The following NODAL variants were observed in gnomAD, a reference collection of about 807,000 sequenced individuals.
NODAL encodes nodal homolog.
NODAL carries 12 observed loss-of-function variants against 34.0 expected under a neutral mutation model. The observed-to-expected ratio is 0.35, with a 90% confidence interval of 0.23 to 0.57. NODAL has a LOEUF of 0.57. Ranked by LOEUF, NODAL falls within the 20% of genes least tolerant of loss-of-function variation. The pLI, the probability that NODAL is intolerant of heterozygous loss-of-function variation, is 0.83. For synonymous variants in NODAL, 162 were observed against 186.4 expected (o/e 0.87, Z 1.07); for missense variants, 390 against 444.2 (o/e 0.88, Z 1.10).
At chr10:70,439,053 C>T (rs1017029746) in intron 1 of NODAL, among the ~76,000 whole-genome samples, 2 of 152,036 alleles carry the variant, frequency 1.3e-5, no homozygotes, top group Non-Finnish European at 2.9e-5. Context: ...TGGCCAGGCT[C>T]GAGTGCAGTG....
At chr10:70,437,767 G>A (rs1845375139) in intron 1 of NODAL, among the ~76,000 whole-genome samples, 1 of 152,186 alleles carries the variant, frequency 6.6e-6, no homozygotes, top group Admixed American at 6.5e-5. Flanking sequence ...AATCCAGCTT[G>A]TATTGTAAAG....
rs1845267918 is a variant in NODAL, at chr10:70,432,006, T to A, written c.*930A>T. Among the ~76,000 whole-genome samples the A allele has an allele frequency of 6.6e-6, 1 of 152,228 alleles. No individual in the cohort carries two copies. Among genetic ancestry groups the A allele is most frequent in the Non-Finnish European group, 1.5e-5 (1 of 68,036 alleles). Reference sequence around the variant, plus strand: ...ATGCATTAGGATTCACCAGCGTTCCTTTTACAAGTGGAGACTGGACAGTGA... The same window carrying A: ...ATGCATTAGGATTCACCAGCGTTCCATTTACAAGTGGAGACTGGACAGTGA... On this transcript the variant is annotated 3_prime_UTR_variant, in exon 3 of 3. Transcript: ENST00000287139.
chr10:70,447,827 C>T (rs569213779), intron 1 of NODAL: 7 of 468,076 alleles, frequency 1.5e-5, no homozygotes, highest in African/African-American at 1.0e-4. Flanking sequence ...GCCCCAGCCC[C>T]TGGTTTATAA....
chr10:70,439,378 C>G (rs1274222009), intron 1 of NODAL, among the ~76,000 whole-genome samples: 2 of 152,196 alleles, frequency 1.3e-5, no homozygotes, highest in Admixed American at 1.3e-4. Context: ...CGTCCCCAGA[C>G]AGGGCTGTGA....
Position 70,435,812 on chromosome 10 carries a change from T to G in NODAL, c.365A>C (p.Glu122Ala). Residue 122 changes from glutamate (E) to alanine (A), a missense_variant, in exon 2 of 3, where the codon GAG (glutamate) becomes GCG (alanine). Transcript: ENST00000287139. ...CTCTAAGCAGCTGTCTGAAGCCTGC[T>G]CTGTGTCGGGCTTTGGCTGGTGGAA... ...EIFHQPKPDT[E>A]QASDSCLERF... 1 of 1,614,146 alleles carries G rather than the reference T, an allele frequency of 6.2e-7. No individual in the cohort carries two copies. Among genetic ancestry groups the G allele is most frequent in the Non-Finnish European group, 8.5e-7 (1 of 1,180,054 alleles).
intron 1 of NODAL, among the ~76,000 whole-genome samples, chr10:70,447,081 T>C (rs1232738768): frequency 2.0e-5 from 3 of 150,562 alleles, no homozygotes; most frequent in African/African-American, 7.3e-5. Flanking sequence ...TCTTCTTTTT[T>C]TTTTTTTTTT....
chr10:70,447,153 A>C (rs1251499744), intron 1 of NODAL, among the ~76,000 whole-genome samples: 2 of 148,728 alleles, frequency 1.3e-5, no homozygotes, highest in African/African-American at 2.5e-5. Context: ...GGCTCACTGC[A>C]ACCTCTGCCT....
rs949415691 is a variant in NODAL at position 70,433,061 on chromosome 10, G to T, written c.919C>A (p.Arg307=). Residue 307 remains arginine, a synonymous_variant, in exon 3 of 3, where the codon CGA becomes AGA. Coordinates refer to ENST00000287139, the MANE Select transcript of NODAL (RefSeq NM_018055.5). ...QSLLKRYQPH[R]VPSTCCAPVK... Reference sequence around the variant, plus strand: ...GGGGCACAACAAGTGGAAGGGACTCGGTGGGGCTGGTAACGTTTCAGCAGA... The same window carrying T: ...GGGGCACAACAAGTGGAAGGGACTCTGTGGGGCTGGTAACGTTTCAGCAGA... 6.2e-7 allele frequency: 1 copy of T among 1,613,972 alleles called. No homozygotes were observed.
At chr10:70,438,276 G>A (rs10823540) in intron 1 of NODAL, among the ~76,000 whole-genome samples, 71,211 of 151,906 alleles carry the variant, frequency 0.47, 17,162 homozygotes, top group East Asian at 0.66. Flanking sequence ...CCTGGGTGAC[G>A]AAAAGCAAAA....
chr10:70,441,568 GC>G lies in NODAL; in HGVS notation c.99del (p.Gln34SerfsTer12). ...GCCAGAGGGGATGGCGACGAGGGCT[GC>G]CCCCGCGTACGCAGGAGCGCAGTGG... ...TVATALLRTR[G>X]QPSSPSPLAY... On this transcript the variant is annotated frameshift_variant, in exon 1 of 3. Coordinates refer to ENST00000287139, the MANE Select transcript of NODAL (RefSeq NM_018055.5). LOFTEE classifies it high-confidence loss of function. 3 of 1,576,002 alleles carry G rather than the reference GC, an allele frequency of 1.9e-6. No individual in the cohort carries two copies. Among genetic ancestry groups the G allele is most frequent in the East Asian group, 2.4e-5 (1 of 42,500 alleles).
chr10:70,441,366 G>T, intron 1 of NODAL, 109 bp downstream of exon 1: 2 of 1,292,386 alleles, frequency 1.5e-6, no homozygotes, highest in Admixed American at 4.3e-5. Flanking sequence ...CTGCAAACCC[G>T]GCTCGGAGCC....
intron 1 of NODAL, 109 bp downstream of exon 1, chr10:70,441,366 G>C: frequency 1.5e-6 from 2 of 1,292,388 alleles, no homozygotes; most frequent in Non-Finnish European, 2.1e-6. Context: ...CTGCAAACCC[G>C]GCTCGGAGCC....
chr10:70,441,768 G>C, upstream of NODAL: 2 of 1,278,918 alleles, frequency 1.6e-6, no homozygotes, highest in East Asian at 5.1e-5. Flanking sequence ...GAAGCTTTAA[G>C]ATCATATAAC....
chr10:70,445,131 T>C (rs1262882821), upstream of NODAL, among the ~76,000 whole-genome samples: 2 of 152,070 alleles, frequency 1.3e-5, no homozygotes, highest in Non-Finnish European at 2.9e-5. Flanking sequence ...AGTGTGTAGG[T>C]GGTCCCTGTT....
At chr10:70,434,985 T>C (rs757631552) in intron 2 of NODAL, 2 of 396,194 alleles carry the variant, frequency 5.0e-6, no homozygotes, top group Non-Finnish European at 4.7e-6. Context: ...ATGTCAGGGC[T>C]AGGGAAGTGC....
At chr10:70,439,944 C>G in intron 1 of NODAL, among the ~76,000 whole-genome samples, 1 of 152,180 alleles carries the variant, frequency 6.6e-6, no homozygotes, top group East Asian at 1.9e-4. Context: ...CAGTGGCGCG[C>G]GCCTGTAGTC....
At chr10:70,440,687 T>TC (rs569322011) in intron 1 of NODAL, among the ~76,000 whole-genome samples, 76 of 152,294 alleles carry the variant, frequency 5.0e-4, no homozygotes, top group African/African-American at 1.8e-3. Flanking sequence ...TGCCAGGTCC[T>TC]CGAGGGCGAT....
intron 2 of NODAL, 150 bp downstream of exon 2, chr10:70,435,136 C>T (rs1344820013): frequency 9.9e-6 from 7 of 709,646 alleles, no homozygotes; most frequent in South Asian, 8.7e-5. Context: ...GTCATCTCTA[C>T]ATGCCTGGTA....
Position 70,432,721 on chromosome 10 carries a change from C to T in NODAL, c.*215G>A. 1.6e-6 allele frequency: 1 copy of T among 608,044 alleles called. No homozygotes were observed. Among genetic ancestry groups the T allele is most frequent in the Admixed American group, 2.6e-5 (1 of 38,998 alleles). The allele number at this position is 608,044 out of a possible 1,614,324, so 37.7% of individuals were successfully genotyped here. On this transcript the variant is annotated 3_prime_UTR_variant, in exon 3 of 3. Coordinates refer to ENST00000287139, the MANE Select transcript of NODAL (RefSeq NM_018055.5). Reference sequence around the variant, plus strand: ...TCCAGCCAGCCCCCTGCACAGGCTTCTTCCTCCCTCTTCCTGACAGCAGCC... The same window carrying T: ...TCCAGCCAGCCCCCTGCACAGGCTTTTTCCTCCCTCTTCCTGACAGCAGCC...
Sources: allele counts gnomAD v4.1 joint callset (sites outside exome capture counted in the v4.1 genomes callset), GRCh38; gene constraint gnomAD v4.1.1; transcripts MANE v1.5; gene names NCBI Gene and HGNC (gene_info 2026-07-23, HGNC 2026-07-21).